SND1: variants seen among roughly 807,000 people sequenced by gnomAD.
SND1 encodes staphylococcal nuclease domain-containing protein 1.
Under a neutral mutation model 121.7 loss-of-function variants are expected in SND1, and 38 were observed. That is an observed-to-expected ratio of 0.31 (90% CI 0.24 to 0.41). The LOEUF (loss-of-function observed/expected upper bound fraction) is 0.41. Among genes scored for constraint, SND1 ranks in the 10% least tolerant of loss-of-function variants. SND1 has a pLI of 1.00. For missense variants in SND1, 868 were observed against 1,184.6 expected, an observed-to-expected ratio of 0.73 and a Z score of 3.92; for synonymous variants, 401 against 447.4, an observed-to-expected ratio of 0.90 and a Z score of 1.31.
intron 10 of SND1, among the ~76,000 whole-genome samples, chr7:127,722,933 C>T (rs148127137): frequency 6.7e-4 from 102 of 152,306 alleles, no homozygotes; most frequent in Non-Finnish European, 1.1e-3. Flanking sequence ...GTAGCTCTGC[C>T]TCATTGCACA....
chr7:128,029,152 T>C lies in SND1; in HGVS notation c.1779+38096T>C. 6.2e-7 allele frequency: 1 copy of C among 1,614,008 alleles called. No homozygotes were observed. Among genetic ancestry groups the C allele is most frequent in the Non-Finnish European group, 8.5e-7 (1 of 1,179,998 alleles). Reference sequence around the variant, plus strand: ...GCCACCTGCTTGGGCACACGGGTAGTCTGAATGAGCACCGTGGTAGAGGTG... The same window carrying C: ...GCCACCTGCTTGGGCACACGGGTAGCCTGAATGAGCACCGTGGTAGAGGTG... On this transcript the variant is annotated intron_variant, in intron 16 of 23. Coordinates refer to ENST00000354725, the MANE Select transcript of SND1 (RefSeq NM_014390.4). The surrounding 1 kb of genome is among the most constrained non-coding windows in gnomAD (Gnocchi z 4.2).
chr7:128,080,731 G>T (rs1017170099), intron 17 of SND1, among the ~76,000 whole-genome samples: 2 of 152,196 alleles, frequency 1.3e-5, no homozygotes, highest in African/African-American at 4.8e-5. Flanking sequence ...ATCTGGTTTT[G>T]CTCTTTTTTA....
chr7:127,955,996 A>G (rs1801584038), intron 15 of SND1, among the ~76,000 whole-genome samples: 1 of 152,146 alleles, frequency 6.6e-6, no homozygotes, highest in Non-Finnish European at 1.5e-5. Flanking sequence ...TCAGGCATCT[A>G]ACCCTTTCTG....
chr7:127,823,372 G>T (rs1462905035), intron 11 of SND1, among the ~76,000 whole-genome samples: 1 of 152,132 alleles, frequency 6.6e-6, no homozygotes, highest in Non-Finnish European at 1.5e-5. Flanking sequence ...TGGGAAGGGG[G>T]AGCTGGGAGA....
At chr7:127,669,334 A>C (rs770881332) in intron 1 of SND1, among the ~76,000 whole-genome samples, 1 of 151,966 alleles carries the variant, frequency 6.6e-6, no homozygotes, top group African/African-American at 2.4e-5. Flanking sequence ...CTTGTTACCC[A>C]CTTCAGTAAT....
At chr7:127,770,197 T>C (rs1797490408) in intron 10 of SND1, among the ~76,000 whole-genome samples, 1 of 152,170 alleles carries the variant, frequency 6.6e-6, no homozygotes, top group African/African-American at 2.4e-5. Context: ...ACTTAAATAT[T>C]TTTCAGTATC....
intron 13 of SND1, among the ~76,000 whole-genome samples, chr7:127,890,500 A>T (rs1219163293): frequency 6.6e-6 from 1 of 152,122 alleles, no homozygotes; most frequent in Non-Finnish European, 1.5e-5. Context: ...TAACTTGAAG[A>T]ACAGGTTATG....
chr7:128,040,012 C>T (rs1018065873), intron 16 of SND1, among the ~76,000 whole-genome samples: 3 of 152,060 alleles, frequency 2.0e-5, no homozygotes, highest in African/African-American at 7.2e-5. Context: ...GCTTCTGGTC[C>T]CCTTTGTCTA....
intron 15 of SND1, among the ~76,000 whole-genome samples, chr7:127,967,507 CA>C (rs1305064324): frequency 1.3e-5 from 2 of 152,162 alleles, no homozygotes; most frequent in Non-Finnish European, 2.9e-5. Flanking sequence ...CCTGATTTCC[CA>C]GCTGTTGTCT....
chr7:128,002,887 A>C (rs1802869622), intron 16 of SND1, among the ~76,000 whole-genome samples: 1 of 152,234 alleles, frequency 6.6e-6, no homozygotes, highest in Non-Finnish European at 1.5e-5. Context: ...GAGTTGGAAG[A>C]TAGATAGCAC....
intron 1 of SND1, among the ~76,000 whole-genome samples, chr7:127,666,480 A>T (rs1240891885): frequency 6.6e-6 from 1 of 152,306 alleles, no homozygotes; most frequent in Non-Finnish European, 1.5e-5. Flanking sequence ...AAGGCTAAGC[A>T]TACAGTAAAG....
chr7:127,894,824 T>C (rs1176828638), intron 13 of SND1, among the ~76,000 whole-genome samples: 2 of 145,310 alleles, frequency 1.4e-5, no homozygotes, highest in African/African-American at 5.2e-5. Context: ...TTTTTTTTTT[T>C]CTTTTAAGTG....
chr7:127,741,464 C>T (rs1269123587), intron 10 of SND1, among the ~76,000 whole-genome samples: 1 of 152,146 alleles, frequency 6.6e-6, no homozygotes, highest in African/African-American at 2.4e-5. Flanking sequence ...AAAACAACCA[C>T]TGCCCAGGCC....
At chr7:127,875,702 C>T (rs994927251) in intron 12 of SND1, among the ~76,000 whole-genome samples, 9 of 152,084 alleles carry the variant, frequency 5.9e-5, no homozygotes, top group African/African-American at 2.2e-4. Context: ...TTCTGTATTA[C>T]TAGGATGATT....
intron 1 of SND1, among the ~76,000 whole-genome samples, chr7:127,671,085 T>G (rs1249615415): frequency 1.3e-5 from 2 of 152,144 alleles, no homozygotes; most frequent in African/African-American, 4.8e-5. Flanking sequence ...AAGTTGCATG[T>G]GCATGGAGAG....
At chr7:127,987,540 T>G (rs1223559853) in intron 15 of SND1, among the ~76,000 whole-genome samples, 1 of 152,210 alleles carries the variant, frequency 6.6e-6, no homozygotes, top group African/African-American at 2.4e-5. Flanking sequence ...GTGGACAGCA[T>G]ATTTTTTGCT....
Position 127,887,639 on chromosome 7 carries a change from AT to A in SND1, c.1344-250del, listed in dbSNP as rs57655542. On this transcript the variant is annotated intron_variant, in intron 12 of 23. Coordinates refer to ENST00000354725, the MANE Select transcript of SND1 (RefSeq NM_014390.4). ...CTGGTGCAATGTGGGCTTTTTACAG[AT>A]TTTTTTTTTTTTGCTAGTTTTTAAT... 6.5e-3 allele frequency among the ~76,000 whole-genome samples: 940 copies of A among 144,796 alleles called. 4 individuals are homozygous for A. Among genetic ancestry groups the A allele is most frequent in the African/African-American group, 0.015 (612 of 39,790 alleles). 95.0% of individuals were successfully genotyped at this position (144,796 alleles called of 152,430 possible).
chr7:127,785,016 G>C (rs1797786880), intron 10 of SND1, among the ~76,000 whole-genome samples: 1 of 152,046 alleles, frequency 6.6e-6, no homozygotes, highest in Non-Finnish European at 1.5e-5. Context: ...GACCTCCTCA[G>C]CTCCTGCCTT....
intron 10 of SND1, among the ~76,000 whole-genome samples, chr7:127,744,743 A>G (rs1008151209): frequency 8.5e-5 from 13 of 152,222 alleles, no homozygotes; most frequent in Non-Finnish European, 1.5e-4. Context: ...GCAGAAATAC[A>G]GGTGCAAAAA....
Sources: allele counts gnomAD v4.1 joint callset (sites outside exome capture counted in the v4.1 genomes callset), GRCh38; gene constraint gnomAD v4.1.1; non-coding constraint Gnocchi (gnomAD v3.1); transcripts MANE v1.5; gene names NCBI Gene and HGNC (gene_info 2026-07-23, HGNC 2026-07-21).